Variants in TJP1 observed in about 807,000 individuals in gnomAD.
TJP1 encodes tight junction protein ZO-1.
In TJP1, 43 loss-of-function variants were observed where a neutral mutation model predicts 194.2. The ratio of observed to expected loss-of-function variants is 0.22; its 90% CI spans 0.17 to 0.29. The LOEUF (loss-of-function observed/expected upper bound fraction) is 0.29. TJP1 is among the 10% of genes least tolerant of loss of function. TJP1 has a pLI of 1.00. For synonymous variants in TJP1, 801 were observed against 779.0 expected (o/e 1.03, Z -0.47); for missense variants, 1,971 against 2,185.7 (o/e 0.90, Z 1.96).
At chr15:29,802,112 T>C (rs1022162429) in intron 1 of TJP1, among the ~76,000 whole-genome samples, 4 of 152,154 alleles carry the variant, frequency 2.6e-5, no homozygotes, top group Admixed American at 6.5e-5. Context: ...CTGGGACTCC[T>C]AAAATGTATT....
Position 29,767,505 on chromosome 15 carries a change from T to C in TJP1, c.313-963A>G, listed in dbSNP as rs117831449. On this transcript the variant is annotated intron_variant, in intron 4 of 27. Transcript: ENST00000614355. ...TCCTGTTGCCATATTTAAATGACTT[T>C]TTCTTGACCCCTCAATCATCTGCCC... Among the ~76,000 whole-genome samples the C allele has an allele frequency of 3.7e-3, 566 of 152,310 alleles. 15 individuals are homozygous for C. In the East Asian group the frequency reaches 0.076, roughly 20 times the overall value.
At chr15:29,956,673 G>C (rs1201099295) in intron 1 of TJP1, among the ~76,000 whole-genome samples, 2 of 152,058 alleles carry the variant, frequency 1.3e-5, no homozygotes, top group Admixed American at 1.3e-4. Flanking sequence ...TGAGCCCAGG[G>C]GTTCGAGCCC....
rs2041545129 is a variant in TJP1 at position 29,701,626 on chromosome 15, T to G, written c.5276A>C (p.Asn1759Thr). 12 of 1,614,132 alleles carry G rather than the reference T, an allele frequency of 7.4e-6. No individual in the cohort carries two copies. Among genetic ancestry groups the G allele is most frequent in the Non-Finnish European group, 1.0e-5 (12 of 1,180,000 alleles). Residue 1759 changes from asparagine (N) to threonine (T), a missense_variant, in exon 28 of 28, where the codon AAC becomes ACC. Transcript: ENST00000614355. Reference protein sequence around the residue: ...PGDPNYLVGANCVSVLIDHF With the variant: ...PGDPNYLVGATCVSVLIDHF Reference sequence around the variant, plus strand: ...GTGGTCAATAAGGACAGAAACACAGTTTGCTCCAACGAGATAATTTGGATC... The same window carrying G: ...GTGGTCAATAAGGACAGAAACACAGGTTGCTCCAACGAGATAATTTGGATC...
intron 2 of TJP1, among the ~76,000 whole-genome samples, chr15:29,931,076 G>A (rs1036476470): frequency 3.9e-5 from 6 of 151,938 alleles, no homozygotes; most frequent in East Asian, 1.9e-4. Context: ...GTAAATAGTC[G>A]ATTAACACAT....
At chr15:29,884,961 G>A (rs376132984) in intron 2 of TJP1, among the ~76,000 whole-genome samples, 3 of 152,130 alleles carry the variant, frequency 2.0e-5, no homozygotes, top group Admixed American at 6.6e-5. Flanking sequence ...TACTATTCTC[G>A]TTCCCTAGCA....
At chr15:29,823,163 T>C (rs2050534156), upstream of TJP1, 1 of 152,222 alleles carries the variant, frequency 6.6e-6, no homozygotes, top group African/African-American at 2.4e-5. Flanking sequence ...TAGACAGGAA[T>C]CTTGAAAAGT....
At position 29,792,547 on chromosome 15, in the gene TJP1, T is replaced by C. The variant is rs577429115; in HGVS notation, c.84+8099A>G. ...TGTGATTCCTTCAGTTTTGTTCTTT[T>C]TGCCCAGGATTGCTTTGCCTACTCT... On this transcript the variant is annotated intron_variant, in intron 2 of 27. Transcript: ENST00000614355. Among the ~76,000 whole-genome samples, 4 of 152,348 alleles carry C rather than the reference T, an allele frequency of 2.6e-5. No individual in the cohort carries two copies. In the East Asian group the frequency reaches 7.7e-4, roughly 29 times the overall value.
intron 2 of TJP1, among the ~76,000 whole-genome samples, chr15:29,797,064 TG>T (rs1244373682): frequency 6.6e-6 from 1 of 152,212 alleles, no homozygotes; most frequent in Non-Finnish European, 1.5e-5. Flanking sequence ...TTCTTGATTT[TG>T]GGTTTGGCAA....
chr15:29,790,008 C>T (rs1425708846), intron 2 of TJP1, among the ~76,000 whole-genome samples: 1 of 152,136 alleles, frequency 6.6e-6, no homozygotes, highest in Non-Finnish European at 1.5e-5. Flanking sequence ...GCAGTTGATC[C>T]CTCTTTACAA....
intron 2 of TJP1, among the ~76,000 whole-genome samples, chr15:29,879,609 G>A (rs1452976801): frequency 6.6e-6 from 1 of 152,196 alleles, no homozygotes; most frequent in African/African-American, 2.4e-5. Context: ...CAGCAATCCT[G>A]TGGTCACCAC....
intron 23 of TJP1, among the ~76,000 whole-genome samples, chr15:29,711,778 A>T (rs1156628631): frequency 6.6e-6 from 1 of 152,206 alleles, no homozygotes; most frequent in African/African-American, 2.4e-5. Flanking sequence ...CCAGAGAGTA[A>T]ATGTTTGTGG....
At chr15:29,818,148 ATAC>A (rs960310610) in intron 1 of TJP1, among the ~76,000 whole-genome samples, 4 of 152,236 alleles carry the variant, frequency 2.6e-5, no homozygotes, top group African/African-American at 4.8e-5. Context: ...ACAGCGGGCA[ATAC>A]TACTATTCCC....
At chr15:29,906,435 T>G (rs574859495) in intron 2 of TJP1, among the ~76,000 whole-genome samples, 33 of 148,908 alleles carry the variant, frequency 2.2e-4, no homozygotes, top group Non-Finnish European at 4.9e-4. Flanking sequence ...ACCATTGCAC[T>G]CCAGCCTGGG....
chr15:29,739,389 A>G (rs2044244949), intron 10 of TJP1, among the ~76,000 whole-genome samples: 1 of 152,220 alleles, frequency 6.6e-6, no homozygotes, highest in African/African-American at 2.4e-5. Flanking sequence ...AATCCTGTCC[A>G]CGTCCTCAAA....
intron 1 of TJP1, chr15:29,967,986 G>C (rs1439544087): frequency 1.1e-6 from 1 of 902,258 alleles, no homozygotes; most frequent in Non-Finnish European, 1.3e-6. Context: ...CTGGGATTCC[G>C]CATGGATTAC....
chr15:29,914,348 C>T (rs140503742), intron 2 of TJP1, among the ~76,000 whole-genome samples: 1 of 152,254 alleles, frequency 6.6e-6, no homozygotes, highest in East Asian at 1.9e-4. Flanking sequence ...CCTAATTGCT[C>T]TGTTAGCTCA....
intron 1 of TJP1, among the ~76,000 whole-genome samples, chr15:29,956,745 C>T (rs955723641): frequency 6.6e-6 from 1 of 152,116 alleles, no homozygotes; most frequent in Non-Finnish European, 1.5e-5. Context: ...AAAAATTAGC[C>T]TGTCCTGGTG....
chr15:29,800,680 G>C lies in TJP1; in HGVS notation c.50C>G (p.Ala17Gly). ...CGTCACTGTATGTTGTTCCCATATA[G>C]CTGTTTCCTCCATTGCTGTGCTCTG... ...AAKSTAMEET[A>G]IWEQHTVTLH... Residue 17 changes from alanine to glycine, a missense_variant, in exon 2 of 28, where the codon GCT (alanine) becomes GGT (glycine). Around this residue, in one of 5 missense-constraint regions of TJP1, gnomAD observed 245 missense variants for 336.6 expected, o/e 0.73. Transcript: ENST00000614355. 1 of 1,613,810 alleles carries C rather than the reference G, an allele frequency of 6.2e-7. No homozygotes were observed. The highest frequency in any genetic ancestry group is 8.5e-7 in the Non-Finnish European group (1 of 1,179,938).
intron 2 of TJP1, among the ~76,000 whole-genome samples, chr15:29,886,138 G>A (rs138953663): frequency 9.0e-4 from 137 of 152,326 alleles, no homozygotes; most frequent in African/African-American, 3.0e-3. Context: ...AATACTGTGT[G>A]CTCTAAATAA....
Sources: allele counts gnomAD v4.1 joint callset (sites outside exome capture counted in the v4.1 genomes callset), GRCh38; gene constraint gnomAD v4.1.1; regional missense constraint gnomAD v4.1.1; transcripts MANE v1.5; gene names NCBI Gene and HGNC (gene_info 2026-07-23, HGNC 2026-07-21).